The following DGKD variants were observed in gnomAD, a reference collection of about 807,000 sequenced individuals.
DGKD encodes diacylglycerol kinase delta.
Under a neutral mutation model 154.4 loss-of-function variants are expected in DGKD, and 68 were observed. The ratio of observed to expected loss-of-function variants is 0.44; its 90% confidence interval spans 0.36 to 0.54. DGKD has a LOEUF of 0.54. DGKD is among the 20% of genes least tolerant of loss of function. The pLI is 0.00. For synonymous variants in DGKD, 693 were observed against 638.0 expected (o/e 1.09, Z -1.30); for missense variants, 1,343 against 1,593.6 (o/e 0.84, Z 2.68).
rs192196901 is a variant in DGKD at position 233,458,680 on chromosome 2, C to T, written c.2694+283C>T. On this transcript the variant is annotated intron_variant, in intron 22 of 29. Transcript: ENST00000264057. The surrounding 1 kb of genome is among the most constrained non-coding windows in gnomAD (Gnocchi z 6.6). ...AGGCTGGAGTGCAGTGGTGCAATCTCGGCTTGCTGCAACCTCCACCTCCCT... is the reference window on the plus strand; with the variant it reads ...AGGCTGGAGTGCAGTGGTGCAATCTTGGCTTGCTGCAACCTCCACCTCCCT... Among the ~76,000 whole-genome samples, 1,667 of 150,620 alleles carry T rather than the reference C, an allele frequency of 0.011. 14 individuals are homozygous for T. Among genetic ancestry groups the T allele is most frequent in the Non-Finnish European group, 0.017 (1,186 of 67,774 alleles).
chr2:233,426,183 T>C (rs2062292013), intron 3 of DGKD, among the ~76,000 whole-genome samples: 1 of 152,238 alleles, frequency 6.6e-6, no homozygotes, highest in Non-Finnish European at 1.5e-5. Context: ...ACTCTCATAT[T>C]CATGCTTCAT....
Position 233,462,507 on chromosome 2 carries a change from G to A in DGKD, c.3093+48G>A, listed in dbSNP as rs138907532. On this transcript the variant is annotated intron_variant, in intron 25 of 29. Transcript: ENST00000264057. ...TCCTGGCTTCTTCTCAGTGTCTGCC[G>A]CCCTCGGCCCTCCCCGTGCGTGTTC... 1,900 of 1,553,894 alleles carry A rather than the reference G, an allele frequency of 1.2e-3. 11 individuals carry two copies. The African/African-American group carries it at 0.023, about 18-fold the overall frequency.
At chr2:233,384,721 G>A (rs985135223) in intron 1 of DGKD, among the ~76,000 whole-genome samples, 3 of 152,120 alleles carry the variant, frequency 2.0e-5, no homozygotes, top group Non-Finnish European at 2.9e-5. Context: ...CCCCTTATGC[G>A]AGTTTCTGGA....
intron 1 of DGKD, among the ~76,000 whole-genome samples, chr2:233,366,878 G>A (rs1702053637): frequency 6.6e-6 from 1 of 152,142 alleles, no homozygotes; most frequent in African/African-American, 2.4e-5. Flanking sequence ...AGAAAGAAAG[G>A]GGGCTGCAGA....
chr2:233,439,105 G>C (rs1201980288), intron 9 of DGKD, among the ~76,000 whole-genome samples: 1 of 152,236 alleles, frequency 6.6e-6, no homozygotes, highest in African/African-American at 2.4e-5. Context: ...TTGCCTTTGT[G>C]AATTTTGCCA....
rs2062875478 is a variant in DGKD, at chr2:233,441,212, G to A, written c.1086-675G>A. Among the ~76,000 whole-genome samples the A allele has an allele frequency of 6.6e-6, 1 of 152,170 alleles. No homozygotes were observed. Among genetic ancestry groups the A allele is most frequent in the East Asian group, 1.9e-4 (1 of 5,194 alleles). The stretch of plus-strand genomic sequence containing the variant: ...CCTGAGTGGGGACGCTGCTGGGCAG[G>A]GGCAGGGGGAGCCCAGGAAGGAAGG... On this transcript the variant is annotated intron_variant, in intron 9 of 29. Coordinates refer to ENST00000264057, the MANE Select transcript of DGKD (RefSeq NM_152879.3). This position sits in a 1 kb window ranked among gnomAD's most constrained non-coding sequence, Gnocchi z 5.6.
In DGKD at chr2:233,450,026, G is replaced by A. The variant is rs748137647; in HGVS notation, c.1933G>A (p.Val645Ile). The A allele has an allele frequency of 2.6e-5, 42 of 1,613,660 alleles. No individual in the cohort carries two copies. Among genetic ancestry groups the A allele is most frequent in the Middle Eastern group, 3.3e-4 (2 of 6,062 alleles). The change falls in exon 16 of 30, where the codon GTC becomes ATC. Residue 645 changes from valine to isoleucine, a missense_variant. Physicochemically the swap from Val to Ile is conservative, Grantham distance 29. Transcript: ENST00000264057. ...CCAGACCCAGGAGCAGGAGGGCTTCGTCCTGGGCCTCTCTGAGTCAGAGGA... is the reference window on the plus strand; with the variant it reads ...CCAGACCCAGGAGCAGGAGGGCTTCATCCTGGGCCTCTCTGAGTCAGAGGA... ...NAQTQEQEGF[V>I]LGLSESEEKM... is the part of the protein sequence containing the mutation.
chr2:233,367,735 C>T (rs1220385655), intron 1 of DGKD, among the ~76,000 whole-genome samples: 1 of 152,134 alleles, frequency 6.6e-6, no homozygotes. Flanking sequence ...ATATGGAATG[C>T]TCTGTGCTCT....
intron 3 of DGKD, among the ~76,000 whole-genome samples, chr2:233,421,092 C>T (rs985861708): frequency 6.6e-6 from 1 of 152,152 alleles, no homozygotes; most frequent in Non-Finnish European, 1.5e-5. Flanking sequence ...ACATACCAAA[C>T]TGAGGGCAAG....
At position 233,453,527 on chromosome 2, in the gene DGKD, A is replaced by C. The variant is rs77622229; in HGVS notation, c.2265-1236A>C. 7.2e-3 allele frequency among the ~76,000 whole-genome samples: 1,097 copies of C among 152,334 alleles called. 12 individuals are homozygous for C. Among genetic ancestry groups the C allele is most frequent in the African/African-American group, 0.025 (1,024 of 41,576 alleles). Reference sequence around the variant, plus strand: ...AGATGGATCATAAATACACTGACACATGCTGGTTGTTCTCAGATCTGGCGG... The same window carrying C: ...AGATGGATCATAAATACACTGACACCTGCTGGTTGTTCTCAGATCTGGCGG... On this transcript the variant is annotated intron_variant, in intron 18 of 29. Coordinates refer to ENST00000264057, the MANE Select transcript of DGKD (RefSeq NM_152879.3).
In DGKD at chr2:233,384,865, G is replaced by C. The variant is rs4663198; in HGVS notation, c.157-3392G>C. Among the ~76,000 whole-genome samples the C allele has an allele frequency of 6.6e-3, 1,007 of 152,174 alleles. 29 individuals carry two copies. The highest frequency in any genetic ancestry group is 0.048 in the Admixed American group (734 of 15,286). ...AGGGAGCAGCTGCCGGCCTCTGCTT[G>C]CCCAGCCCCTCCTCCCTGGCCTGCT... On this transcript the variant is annotated intron_variant, in intron 1 of 29. Coordinates refer to ENST00000264057, the MANE Select transcript of DGKD (RefSeq NM_152879.3).
Position 233,374,558 on chromosome 2 carries a change from C to T in DGKD, c.157-13699C>T, listed in dbSNP as rs147343181. Reference sequence around the variant, plus strand: ...CCGTGTTGCCCAGGCTGGTCTTGAACTCCTGGGCACAAGTGATTTGCCCAC... The same window carrying T: ...CCGTGTTGCCCAGGCTGGTCTTGAATTCCTGGGCACAAGTGATTTGCCCAC... On this transcript the variant is annotated intron_variant, in intron 1 of 29. Transcript: ENST00000264057. Among the ~76,000 whole-genome samples the T allele has an allele frequency of 1.1e-4, 17 of 151,068 alleles. No individual in the cohort carries two copies. In the East Asian group the frequency reaches 2.9e-3, roughly 26 times the overall value.
intron 1 of DGKD, among the ~76,000 whole-genome samples, chr2:233,362,577 G>A (rs1012350974): frequency 3.9e-5 from 6 of 152,156 alleles, no homozygotes; most frequent in African/African-American, 1.4e-4. Flanking sequence ...CTTGAACCTG[G>A]GAAGTGGAAG....
At chr2:233,426,581 G>A (rs930121074) in intron 3 of DGKD, among the ~76,000 whole-genome samples, 2 of 152,146 alleles carry the variant, frequency 1.3e-5, no homozygotes, top group East Asian at 3.8e-4. Context: ...ATGTCGTCTT[G>A]TGTCAGGCTT....
At chr2:233,411,583 T>C (rs2125515811) in intron 3 of DGKD, among the ~76,000 whole-genome samples, 2 of 152,374 alleles carry the variant, frequency 1.3e-5, no homozygotes, top group South Asian at 4.1e-4. Context: ...GTAAGTCCTT[T>C]GTCTGATACA....
Position 233,459,726 on chromosome 2 carries a change from A to G in DGKD, c.2695-31A>G. The G allele has an allele frequency of 6.2e-7, 1 of 1,607,400 alleles. No individual in the cohort carries two copies. The highest frequency in any genetic ancestry group is 8.5e-7 in the Non-Finnish European group (1 of 1,176,088). ...TTTAAACCCCTGGGGGTTTTGGCTC[A>G]GCATGAGTAATGGCTATGATGTCTG... On this transcript the variant is annotated intron_variant, in intron 22 of 29. Coordinates refer to ENST00000264057, the MANE Select transcript of DGKD (RefSeq NM_152879.3). This position sits in a 1 kb window ranked among gnomAD's most constrained non-coding sequence, Gnocchi z 5.7.
intron 10 of DGKD, chr2:233,442,602 GTTGTTT>G (rs950360658): frequency 4.7e-5 from 8 of 170,164 alleles, no homozygotes; most frequent in Non-Finnish European, 1.0e-4. Flanking sequence ...TTTTGTTGTT[GTTGTTT>G]TTGTTTTTGT....
chr2:233,461,376 G>A (rs2063636725), intron 24 of DGKD, among the ~76,000 whole-genome samples: 1 of 152,282 alleles, frequency 6.6e-6, no homozygotes, highest in South Asian at 2.1e-4. Context: ...GCCCTGGCGT[G>A]CAGATGGATC....
intron 16 of DGKD, 58 bp from the exon 17 acceptor site, chr2:233,450,864 C>G: frequency 6.4e-7 from 1 of 1,558,244 alleles, no homozygotes; most frequent in South Asian, 1.2e-5. Context: ...AAGGACCCCC[C>G]AGGATTTCAC....
Sources: allele counts gnomAD v4.1 joint callset (sites outside exome capture counted in the v4.1 genomes callset), GRCh38; gene constraint gnomAD v4.1.1; non-coding constraint Gnocchi (gnomAD v3.1); transcripts MANE v1.5; gene names NCBI Gene and HGNC (gene_info 2026-07-23, HGNC 2026-07-21).